Variants in C1orf94 observed in about 807,000 individuals in gnomAD.
C1orf94 encodes the protein uncharacterized protein C1orf94.
Under a neutral mutation model 53.6 loss-of-function variants are expected in C1orf94, and 45 were observed. The ratio of observed to expected loss-of-function variants is 0.84; its 90% CI spans 0.66 to 1.08. C1orf94 has a LOEUF of 1.08. C1orf94 is among the 50% of genes least tolerant of loss of function. The pLI is 0.00. For missense variants in C1orf94, 762 were observed against 738.9 expected, an observed-to-expected ratio of 1.03 and a Z score of -0.36; for synonymous variants, 304 against 296.1, an observed-to-expected ratio of 1.03 and a Z score of -0.27.
chr1:34,214,672 C>T (rs1337548610), intron 6 of C1orf94, among the ~76,000 whole-genome samples: 1 of 152,160 alleles, frequency 6.6e-6, no homozygotes. Context: ...TCGGGAACCA[C>T]CGACTGGGAG....
chr1:34,189,785 T>A (rs1677764), intron 1 of C1orf94, among the ~76,000 whole-genome samples: 11 of 152,164 alleles, frequency 7.2e-5, no homozygotes, highest in African/African-American at 2.4e-4. Flanking sequence ...CTGGGTTCTG[T>A]CTTCTGCTGC....
In C1orf94 at chr1:34,207,262, GGTGTGTGTGTGTGT is replaced by G. The variant is rs58794132; in HGVS notation, c.1447-866_1447-853del. ...CACTGCCACAGCAGCAGTTCTGCGG[GGTGTGTGTGTGTGT>G]GTGTGTGTGTGTGTGTGTGTGTGTG... On this transcript the variant is annotated intron_variant, in intron 4 of 6. Transcript: ENST00000488417. 1.2e-3 allele frequency among the ~76,000 whole-genome samples: 178 copies of G among 147,438 alleles called. 1 individual carries two copies. The highest frequency in any genetic ancestry group is 1.9e-3 in the Admixed American group (28 of 14,908).
intron 1 of C1orf94, among the ~76,000 whole-genome samples, chr1:34,194,759 G>C (rs757439896): frequency 6.6e-6 from 1 of 152,100 alleles, no homozygotes; most frequent in Non-Finnish European, 1.5e-5. Flanking sequence ...GTTGTTGTTA[G>C]GCATAACCAC....
chr1:34,218,733 C>T lies in C1orf94; in HGVS notation c.1769C>T (p.Ser590Phe), dbSNP rs761452759. The T allele has an allele frequency of 1.2e-6, 2 of 1,612,786 alleles. No individual in the cohort carries two copies. The highest frequency in any genetic ancestry group is 1.7e-6 in the Non-Finnish European group (2 of 1,179,252). ...CCCTTGATGCACAGCCCCTATTTTT[C>T]TTCCAGTGGGAATGGCATAAACTTT... The part of the protein sequence containing the change: ...GGPLMHSPYF[S>F]SSGNGINF The change falls in exon 7 of 7, where the codon TCT becomes TTT. Residue 590 changes from serine (S) to phenylalanine (F), a missense_variant. Transcript: ENST00000488417.
Position 34,197,456 on chromosome 1 carries a change from T to G in C1orf94, c.552T>G (p.Leu184=). The G allele has an allele frequency of 1.2e-6, 2 of 1,613,972 alleles. No individual in the cohort carries two copies. Among genetic ancestry groups the G allele is most frequent in the Non-Finnish European group, 1.7e-6 (2 of 1,179,940 alleles). Residue 184 remains leucine (L), a synonymous_variant, in exon 2 of 7, where the codon CTT becomes CTG. Coordinates refer to ENST00000488417, the MANE Select transcript of C1orf94 (RefSeq NM_001134734.2). This position sits in a 1 kb window ranked among gnomAD's most constrained non-coding sequence, Gnocchi z 4.1. ...CCTCCATCATTGTCGGAGACAAGCT[T>G]CTGAAGCAGAAGGTGGCCATGCCCG... ...PRASIIVGDK[L]LKQKVAMPVI... is the part of the protein sequence containing the mutation.
chr1:34,172,669 A>G (rs932071830), upstream of C1orf94, among the ~76,000 whole-genome samples: 2 of 152,254 alleles, frequency 1.3e-5, no homozygotes, highest in African/African-American at 2.4e-5. Context: ...GGCAGAGATC[A>G]CCGATGGTGT....
At chr1:34,171,260 T>C (rs1455814224) in intron 1 of C1orf94, among the ~76,000 whole-genome samples, 1 of 152,194 alleles carries the variant, frequency 6.6e-6, no homozygotes, top group African/African-American at 2.4e-5. Context: ...TTCTCTCCCC[T>C]TTCCCCTGGA....
rs200814920 is a variant in C1orf94, at chr1:34,190,056, AG to A, written c.321-7166del. Among the ~76,000 whole-genome samples the A allele has an allele frequency of 5.5e-3, 831 of 152,330 alleles. 5 individuals are homozygous for A. Among genetic ancestry groups the A allele is most frequent in the African/African-American group, 0.019 (784 of 41,580 alleles). On this transcript the variant is annotated intron_variant, in intron 1 of 6. Coordinates refer to ENST00000488417, the MANE Select transcript of C1orf94 (RefSeq NM_001134734.2). ...AATTCCACCCCAACACTTATTCTCT[AG>A]GGTCAATTTGAGTACATCTTTTAAC...
chr1:34,181,973 C>T (rs1027852311), intron 1 of C1orf94, among the ~76,000 whole-genome samples: 10 of 152,138 alleles, frequency 6.6e-5, no homozygotes, highest in South Asian at 2.1e-4. Flanking sequence ...GTGGGCAGAA[C>T]GCTTGAGCCC....
chr1:34,187,780 C>CT (rs1553129282), intron 1 of C1orf94, among the ~76,000 whole-genome samples: 1 of 49,662 alleles, frequency 2.0e-5, no homozygotes, highest in Admixed American at 2.0e-4. Flanking sequence ...CCCCCCCCCC[C>CT]CCGCCGCCCC....
chr1:34,167,398 C>T (rs1014044331), intron 1 of C1orf94, among the ~76,000 whole-genome samples: 1 of 152,216 alleles, frequency 6.6e-6, no homozygotes, highest in Non-Finnish European at 1.5e-5. Flanking sequence ...CTCTTACCCT[C>T]TTCTCAGCTC....
chr1:34,191,806 T>G (rs187664196), intron 1 of C1orf94, among the ~76,000 whole-genome samples: 1 of 152,288 alleles, frequency 6.6e-6, no homozygotes, highest in Admixed American at 6.5e-5. Context: ...AGAACTGCTG[T>G]TGGGGAGCTA....
In C1orf94 at chr1:34,178,871, G is replaced by A. The variant is rs79107106; in HGVS notation, c.320+762G>A. Among the ~76,000 whole-genome samples, 31 of 152,350 alleles carry A rather than the reference G, an allele frequency of 2.0e-4. No individual in the cohort carries two copies. The East Asian group carries it at 2.5e-3, about 12-fold the overall frequency. On this transcript the variant is annotated intron_variant, in intron 1 of 6. Transcript: ENST00000488417. ...GCCGTTGAGCACTTACTTATTTCACGTTTTGCATCTTCAAAGTGGACTGTA... is the reference window on the plus strand; with the variant it reads ...GCCGTTGAGCACTTACTTATTTCACATTTTGCATCTTCAAAGTGGACTGTA...
At chr1:34,217,659 A>G (rs1643012488) in intron 6 of C1orf94, among the ~76,000 whole-genome samples, 1 of 152,218 alleles carries the variant, frequency 6.6e-6, no homozygotes, top group South Asian at 2.1e-4. Context: ...TTGCCCATGG[A>G]GACTCAGTGA....
At position 34,213,601 on chromosome 1, in the gene C1orf94, C is replaced by T. The variant is rs148618808; in HGVS notation, c.1721+1195C>T. ...TGTTGTCCAGGCTGGAGTGCAATGG[C>T]GTGATCTCGGCTCACTGCAATCTCC... On this transcript the variant is annotated intron_variant, in intron 6 of 6. Coordinates refer to ENST00000488417, the MANE Select transcript of C1orf94 (RefSeq NM_001134734.2). Among the ~76,000 whole-genome samples the T allele has an allele frequency of 5.8e-3, 875 of 152,110 alleles. 26 individuals carry two copies. The East Asian group carries it at 0.097, about 17-fold the overall frequency.
At position 34,197,694 on chromosome 1, in the gene C1orf94, AG is replaced by A; in HGVS notation, c.793del (p.Val265SerfsTer22). Reference sequence around the variant, plus strand: ...CAACAAGAATGTGCTGGACAAGACAAGGGTCACCAAGGACTTCCTACAGGAC... The same window carrying A: ...CAACAAGAATGTGCTGGACAAGACAAGGTCACCAAGGACTTCCTACAGGAC... The part of the protein sequence containing the change: ...PDNKNVLDKT[R>X]VTKDFLQDNL... On this transcript the variant is annotated frameshift_variant, in exon 2 of 7. Coordinates refer to ENST00000488417, the MANE Select transcript of C1orf94 (RefSeq NM_001134734.2). LOFTEE classifies it high-confidence loss of function. This position sits in a 1 kb window ranked among gnomAD's most constrained non-coding sequence, Gnocchi z 4.1. 1 of 1,614,128 alleles carries A rather than the reference AG, an allele frequency of 6.2e-7. No homozygotes were observed.
chr1:34,198,065 GTTTC>G, intron 2 of C1orf94, 152 bp downstream of exon 2: 1 of 888,022 alleles, frequency 1.1e-6, no homozygotes, highest in Non-Finnish European at 1.7e-6. Flanking sequence ...GGGACGGGCT[GTTTC>G]CAGCCCCCAC....
Position 34,177,885 on chromosome 1 carries a change from A to C in C1orf94, c.96A>C (p.Ser32=). ...TGGCCAGCGGGAATGGGCTTCCTTC[A>C]TCCTCGGCCCTGGTGGCCAAGGGCC... ...RRMASGNGLP[S]SSALVAKGPC... is the part of the protein sequence containing the mutation. Residue 32 remains serine (S), a synonymous_variant, in exon 1 of 7, where the codon TCA becomes TCC. Coordinates refer to ENST00000488417, the MANE Select transcript of C1orf94 (RefSeq NM_001134734.2). The C allele has an allele frequency of 6.4e-7, 1 of 1,551,604 alleles. No homozygotes were observed. Among genetic ancestry groups the C allele is most frequent in the East Asian group, 2.4e-5 (1 of 40,898 alleles).
upstream of C1orf94, among the ~76,000 whole-genome samples, chr1:34,172,421 GAGA>G (rs1265802262): frequency 6.6e-6 from 1 of 152,194 alleles, no homozygotes; most frequent in African/African-American, 2.4e-5. Context: ...GCACTGTGTT[GAGA>G]AGTTCACGTG....
Sources: gnomAD v4.1 joint callset for allele counts (sites outside exome capture counted in the v4.1 genomes callset) on GRCh38, gnomAD v4.1.1 for gene constraint, Gnocchi (gnomAD v3.1) non-coding constraint, MANE v1.5 for transcripts, NCBI Gene and HGNC (gene_info 2026-07-23, HGNC 2026-07-21) for gene names.